Variants in STK32B observed in about 807,000 individuals in gnomAD.
STK32B encodes serine/threonine kinase 32B.
Under a neutral mutation model 52.6 loss-of-function variants are expected in STK32B, and 43 were observed. The ratio of observed to expected loss-of-function variants is 0.82; its 90% CI spans 0.64 to 1.05. The LOEUF is 1.05. Among genes scored for constraint, STK32B ranks in the 50% least tolerant of loss-of-function variants. The pLI is 0.00. For missense variants in STK32B, 621 were observed against 534.6 expected, an observed-to-expected ratio of 1.16 and a Z score of -1.59; for synonymous variants, 238 against 204.3, an observed-to-expected ratio of 1.17 and a Z score of -1.41.
At chr4:5,268,178 TCTTTGTGTGTTTGGG>T in intron 3 of STK32B, among the ~76,000 whole-genome samples, 1 of 152,306 alleles carries the variant, frequency 6.6e-6, no homozygotes, top group Non-Finnish European at 1.5e-5. Flanking sequence ...CTTTGATATT[TCTTTGTGTGTTTGGG>T]CACAGTTCTA....
chr4:5,161,283 C>T (rs1718423535), intron 2 of STK32B, among the ~76,000 whole-genome samples: 1 of 152,172 alleles, frequency 6.6e-6, no homozygotes, highest in African/African-American at 2.4e-5. Flanking sequence ...TGTGAAAAGT[C>T]ATAATTTGTA....
At chr4:5,148,680 CT>C (rs1233413182) in intron 2 of STK32B, among the ~76,000 whole-genome samples, 5 of 151,810 alleles carry the variant, frequency 3.3e-5, no homozygotes, top group African/African-American at 1.2e-4. Context: ...AGTATACCCA[CT>C]TGAAAAGGAT....
chr4:5,242,771 G>T (rs1407718488), intron 3 of STK32B, among the ~76,000 whole-genome samples: 65 of 152,250 alleles, frequency 4.3e-4, no homozygotes, highest in Admixed American at 1.0e-3. Flanking sequence ...GTAAGGAAGG[G>T]ATCCAGTTTC....
At chr4:5,039,696 A>G in the STK32B span, among the ~76,000 whole-genome samples, 4 of 152,212 alleles carry the variant, frequency 2.6e-5, no homozygotes, top group South Asian at 2.1e-4. Flanking sequence ...GCTAAATTCT[A>G]TGATTGACAG....
At chr4:5,139,622 C>T in intron 1 of STK32B, 1 of 418,734 alleles carries the variant, frequency 2.4e-6, no homozygotes, top group Non-Finnish European at 4.4e-6. Flanking sequence ...ATGTAGAAGC[C>T]AGGCAGAAGT....
chr4:5,476,561 T>G (rs1372054172), intron 11 of STK32B, among the ~76,000 whole-genome samples: 3 of 152,022 alleles, frequency 2.0e-5, no homozygotes, highest in Non-Finnish European at 4.4e-5. Flanking sequence ...CCCTGGCTTC[T>G]TATGAAAAAG....
chr4:5,319,556 C>T (rs959705849), intron 3 of STK32B, among the ~76,000 whole-genome samples: 1 of 139,970 alleles, frequency 7.1e-6, no homozygotes, highest in African/African-American at 3.2e-5. Context: ...CCCATCTTAC[C>T]CCTCTCCAGC....
At chr4:5,243,246 C>T (rs370151754) in intron 3 of STK32B, among the ~76,000 whole-genome samples, 42 of 152,136 alleles carry the variant, frequency 2.8e-4, no homozygotes, top group East Asian at 7.7e-4. Context: ...TATCCTCTTT[C>T]ATTTCATTGA....
chr4:5,282,614 C>G (rs78847203), intron 3 of STK32B, among the ~76,000 whole-genome samples: 1 of 152,102 alleles, frequency 6.6e-6, no homozygotes, highest in African/African-American at 2.4e-5. Flanking sequence ...AGTGAGGGGA[C>G]TGACACAGGC....
chr4:5,287,692 T>A lies in STK32B; in HGVS notation c.261-43528T>A, dbSNP rs184484886. ...ATTTTCCCCTTTTTATAAAATTCTT[T>A]TTTTTTACACAAATGGTAGTATATT... On this transcript the variant is annotated intron_variant, in intron 3 of 11. Coordinates refer to ENST00000282908, the MANE Select transcript of STK32B (RefSeq NM_018401.3). 5.7e-3 allele frequency among the ~76,000 whole-genome samples: 862 copies of A among 152,192 alleles called. 8 individuals carry two copies. The highest frequency in any genetic ancestry group is 0.019 in the African/African-American group (795 of 41,452).
At chr4:5,358,178 C>A (rs1371686955) in intron 4 of STK32B, among the ~76,000 whole-genome samples, 3 of 152,134 alleles carry the variant, frequency 2.0e-5, no homozygotes, top group Admixed American at 1.3e-4. Context: ...ATAAATTGCA[C>A]CCGCAATTGG....
intron 3 of STK32B, among the ~76,000 whole-genome samples, chr4:5,224,660 C>A (rs1433455750): frequency 6.6e-6 from 1 of 152,116 alleles, no homozygotes; most frequent in African/African-American, 2.4e-5. Context: ...AGGCCTACTA[C>A]TGGGGAATCA....
At chr4:5,061,558 A>G (rs1250052656) in intron 1 of STK32B, among the ~76,000 whole-genome samples, 1 of 152,206 alleles carries the variant, frequency 6.6e-6, no homozygotes, top group Admixed American at 6.5e-5. Context: ...GAAATAGTAT[A>G]GAGATAATTT....
At chr4:5,434,354 C>T (rs1352680743) in intron 6 of STK32B, among the ~76,000 whole-genome samples, 2 of 151,350 alleles carry the variant, frequency 1.3e-5, no homozygotes, top group African/African-American at 4.9e-5. Context: ...CAATTGCAAC[C>T]AAAACTAAGA....
intron 3 of STK32B, among the ~76,000 whole-genome samples, chr4:5,323,717 T>C (rs1731679656): frequency 6.6e-6 from 1 of 152,188 alleles, no homozygotes; most frequent in Non-Finnish European, 1.5e-5. Flanking sequence ...TTGTGGCTTT[T>C]TCATTCCGGA....
chr4:5,490,842 C>G (rs150728959), intron 11 of STK32B, among the ~76,000 whole-genome samples: 28,124 of 151,948 alleles, frequency 0.19, 3,181 homozygotes, highest in Admixed American at 0.33. Context: ...TTTGTTCTTG[C>G]GATAGTTTAC....
chr4:5,404,420 A>G (rs1737516739), intron 5 of STK32B, among the ~76,000 whole-genome samples: 2 of 152,150 alleles, frequency 1.3e-5, no homozygotes, highest in Non-Finnish European at 2.9e-5. Context: ...GGCCCAGCCC[A>G]TTTCAATATG....
chr4:5,497,236 G>A (rs750382271), intron 11 of STK32B, among the ~76,000 whole-genome samples: 2 of 152,146 alleles, frequency 1.3e-5, no homozygotes, highest in Non-Finnish European at 2.9e-5. Flanking sequence ...AACTTTGAGA[G>A]CCCCATTCTG....
chr4:5,165,079 GA>G (rs1718766840), intron 2 of STK32B, among the ~76,000 whole-genome samples: 1 of 151,954 alleles, frequency 6.6e-6, no homozygotes, highest in African/African-American at 2.4e-5. Flanking sequence ...GTGTTCCTGA[GA>G]AACAGAATTT....
Sources: allele counts gnomAD v4.1 joint callset (sites outside exome capture counted in the v4.1 genomes callset), GRCh38; gene constraint gnomAD v4.1.1; transcripts MANE v1.5; gene names NCBI Gene and HGNC (gene_info 2026-07-23, HGNC 2026-07-21).